DLGAP4: variants seen among roughly 807,000 people sequenced by gnomAD.
DLGAP4 encodes disks large-associated protein 4.
In DLGAP4, 18 loss-of-function variants were observed where a neutral mutation model predicts 86.9. That is an observed-to-expected ratio of 0.21 (90% CI 0.14 to 0.31). The LOEUF is 0.31. Among genes scored for constraint, DLGAP4 ranks in the 10% least tolerant of loss-of-function variants. The pLI is 1.00. For missense variants in DLGAP4, 1,085 were observed against 1,362.6 expected (o/e 0.80, Z 3.21); for synonymous variants, 548 against 574.3 (o/e 0.95, Z 0.65).
At chr20:36,497,499 A>G in intron 8 of DLGAP4, 1 of 1,009,540 alleles carries the variant, frequency 9.9e-7, no homozygotes, top group Non-Finnish European at 1.2e-6. Context: ...AGCAGCATGG[A>G]GCATAGACGC....
In DLGAP4 at chr20:36,431,843, C is replaced by A. The variant is rs145193345; in HGVS notation, c.126C>A (p.Arg42=). ...TGTCGCCCACGGAGGCCTTCGCCCG[C>A]GAGGCCCGCTTCCCCGGGCAGAACA... is the stretch of plus-strand genomic sequence containing the variant. The part of the protein sequence containing the change: ...YLLSPTEAFA[R]EARFPGQNTL... The change falls in exon 3 of 13, where the codon CGC becomes CGA. Residue 42 remains arginine (R), a synonymous_variant. Coordinates refer to ENST00000339266, the MANE Select transcript of DLGAP4 (RefSeq NM_001365621.2). The surrounding 1 kb of genome is among the most constrained non-coding windows in gnomAD (Gnocchi z 5.1). 3 of 1,613,976 alleles carry A rather than the reference C, an allele frequency of 1.9e-6. No individual in the cohort carries two copies. The East Asian group carries it at 6.7e-5, about 36-fold the overall frequency.
intron 7 of DLGAP4, among the ~76,000 whole-genome samples, chr20:36,493,824 G>A (rs545105067): frequency 2.0e-5 from 3 of 152,358 alleles, no homozygotes; most frequent in African/African-American, 7.2e-5. Flanking sequence ...GCATAGTCAC[G>A]ATCTCCACCT....
intron 8 of DLGAP4, chr20:36,497,810 A>G (rs543856525): frequency 5.4e-6 from 1 of 185,024 alleles, no homozygotes; most frequent in South Asian, 1.8e-4. Flanking sequence ...ACCCGATGTC[A>G]ATAATCTGTC....
chr20:36,525,322 G>A (rs574889400), intron 11 of DLGAP4, among the ~76,000 whole-genome samples: 40 of 150,222 alleles, frequency 2.7e-4, no homozygotes, highest in Non-Finnish European at 5.5e-4. Context: ...TAGGAGGGCT[G>A]GCCCTGCCAG....
intron 2 of DLGAP4, among the ~76,000 whole-genome samples, chr20:36,389,257 A>G (rs2031707504): frequency 6.6e-6 from 1 of 152,134 alleles, no homozygotes; most frequent in African/African-American, 2.4e-5. Context: ...TTCCTCTGCT[A>G]TTGCATAGAC....
At chr20:36,441,760 T>A (rs1260596200) in intron 5 of DLGAP4, among the ~76,000 whole-genome samples, 1 of 152,066 alleles carries the variant, frequency 6.6e-6, no homozygotes, top group Non-Finnish European at 1.5e-5. Context: ...CTCTCTCCCC[T>A]CATTCACATT....
intron 7 of DLGAP4, among the ~76,000 whole-genome samples, chr20:36,464,034 C>T (rs2034226895): frequency 6.6e-6 from 1 of 152,224 alleles, no homozygotes; most frequent in African/African-American, 2.4e-5. Flanking sequence ...ATGACAATCT[C>T]TAACATCCTT....
intron 7 of DLGAP4, among the ~76,000 whole-genome samples, chr20:36,474,028 A>G (rs1159772044): frequency 3.3e-5 from 5 of 152,252 alleles, no homozygotes; most frequent in African/African-American, 1.2e-4. Flanking sequence ...TAGAGATGCT[A>G]ATAATACCTG....
intron 7 of DLGAP4, among the ~76,000 whole-genome samples, chr20:36,459,768 C>T (rs1046871118): frequency 3.9e-5 from 6 of 152,178 alleles, no homozygotes; most frequent in African/African-American, 1.4e-4. Flanking sequence ...CCTCCATGCC[C>T]GGCTAATTTT....
intron 1 of DLGAP4, among the ~76,000 whole-genome samples, chr20:36,358,212 A>G (rs558302364): frequency 6.4e-4 from 97 of 152,366 alleles, no homozygotes; most frequent in East Asian, 3.9e-4. Flanking sequence ...TGAGGCACGC[A>G]TGAGACAGTG....
At chr20:36,430,091 C>A (rs1031959686) in intron 2 of DLGAP4, among the ~76,000 whole-genome samples, 1 of 152,220 alleles carries the variant, frequency 6.6e-6, no homozygotes, top group Admixed American at 6.5e-5. Flanking sequence ...CCATGGCAGA[C>A]AGGAAGATTG....
chr20:36,364,610 C>A (rs558520298), intron 1 of DLGAP4, among the ~76,000 whole-genome samples: 1 of 152,170 alleles, frequency 6.6e-6, no homozygotes, highest in Non-Finnish European at 1.5e-5. Flanking sequence ...ATATACTTTC[C>A]GTCTGTACAG....
chr20:36,443,729 G>A (rs774651384), intron 6 of DLGAP4, among the ~76,000 whole-genome samples: 1 of 152,042 alleles, frequency 6.6e-6, no homozygotes, highest in Non-Finnish European at 1.5e-5. Flanking sequence ...CATACCAGCA[G>A]CGCTGACCAG....
intron 10 of DLGAP4, among the ~76,000 whole-genome samples, chr20:36,502,032 C>A (rs752804568): frequency 2.6e-5 from 4 of 152,172 alleles, no homozygotes; most frequent in Non-Finnish European, 5.9e-5. Flanking sequence ...CTTCATATAT[C>A]TTTTAAAAAA....
At position 36,496,231 on chromosome 20, in the gene DLGAP4, A is replaced by G. The variant is rs565952904; in HGVS notation, c.1649-474A>G. Among the ~76,000 whole-genome samples, 15 of 152,002 alleles carry G rather than the reference A, an allele frequency of 9.9e-5. No individual in the cohort carries two copies. In the South Asian group the frequency reaches 3.1e-3, roughly 32 times the overall value. ...CATCCAAGCAGAGGGAATAGGGGAG[A>G]GGGAAGGTGGTGTGGAAGGAAAAGA... is the stretch of plus-strand genomic sequence containing the variant. On this transcript the variant is annotated intron_variant, in intron 7 of 12. Transcript: ENST00000339266.
At chr20:36,483,017 A>G (rs1293672519) in intron 7 of DLGAP4, among the ~76,000 whole-genome samples, 2 of 152,170 alleles carry the variant, frequency 1.3e-5, no homozygotes, top group Admixed American at 1.3e-4. Context: ...ATTTAGTAAC[A>G]GTAGCTTGGG....
intron 1 of DLGAP4, among the ~76,000 whole-genome samples, chr20:36,309,386 C>A (rs1264790476): frequency 1.3e-5 from 2 of 152,208 alleles, no homozygotes; most frequent in Non-Finnish European, 2.9e-5. Context: ...TGCACTCATC[C>A]ATTTCTTTTG....
intron 7 of DLGAP4, among the ~76,000 whole-genome samples, chr20:36,466,409 C>T (rs2034354599): frequency 6.6e-6 from 1 of 152,242 alleles, no homozygotes; most frequent in South Asian, 2.1e-4. Context: ...AGTCACCTTT[C>T]CCCTACTTGG....
intron 1 of DLGAP4, among the ~76,000 whole-genome samples, chr20:36,312,381 A>ACGCACG: frequency 6.7e-6 from 1 of 149,098 alleles, no homozygotes; most frequent in South Asian, 2.1e-4. Context: ...ACACGCACAC[A>ACGCACG]CACACACACA....
Sources: allele counts gnomAD v4.1 joint callset (sites outside exome capture counted in the v4.1 genomes callset), GRCh38; gene constraint gnomAD v4.1.1; non-coding constraint Gnocchi (gnomAD v3.1); transcripts MANE v1.5; gene names NCBI Gene and HGNC (gene_info 2026-07-23, HGNC 2026-07-21).